The following SH3GLB1 variants were observed in gnomAD, a reference collection of about 807,000 sequenced individuals.
SH3GLB1 encodes the protein SH3 domain containing GRB2 like, endophilin B1, also known as endophilin-B1.
A neutral mutation model predicts 42.0 loss-of-function variants in SH3GLB1; 17 were observed. The ratio of observed to expected loss-of-function variants is 0.40; its 90% CI spans 0.28 to 0.61. The LOEUF (loss-of-function observed/expected upper bound fraction) is 0.61. Among genes scored for constraint, SH3GLB1 ranks in the 20% least tolerant of loss-of-function variants. SH3GLB1 has a pLI of 0.36. For synonymous variants in SH3GLB1, 132 were observed against 146.6 expected (o/e 0.90, Z 0.72); for missense variants, 355 against 426.3 (o/e 0.83, Z 1.47).
intron 1 of SH3GLB1, among the ~76,000 whole-genome samples, chr1:86,713,362 G>A (rs904995281): frequency 3.9e-5 from 6 of 151,926 alleles, no homozygotes; most frequent in Non-Finnish European, 7.4e-5. Context: ...CATTACAGGC[G>A]GGGGCCCCTG....
intron 2 of SH3GLB1, among the ~76,000 whole-genome samples, chr1:86,718,971 A>G (rs1157192658): frequency 6.6e-6 from 1 of 152,236 alleles, no homozygotes; most frequent in Admixed American, 6.5e-5. Context: ...TCTGTAGACT[A>G]TTCCAAGCCT....
At chr1:86,728,225 A>T (rs1055718467) in intron 5 of SH3GLB1, among the ~76,000 whole-genome samples, 4 of 152,074 alleles carry the variant, frequency 2.6e-5, no homozygotes, top group Non-Finnish European at 5.9e-5. Flanking sequence ...GAAAAAAATG[A>T]ATAGGCACCA....
intron 3 of SH3GLB1, among the ~76,000 whole-genome samples, chr1:86,719,925 C>T (rs144973118): frequency 2.7e-4 from 39 of 142,582 alleles, no homozygotes; most frequent in African/African-American, 9.1e-4. Context: ...GAACCTTGGA[C>T]GTGGAGCTTG....
At chr1:86,715,241 C>T (rs1654440451) in intron 1 of SH3GLB1, among the ~76,000 whole-genome samples, 1 of 152,144 alleles carries the variant, frequency 6.6e-6, no homozygotes, top group Admixed American at 6.5e-5. Context: ...CATACTTAAT[C>T]CCCCAAACAC....
intron 5 of SH3GLB1, chr1:86,730,286 A>G: frequency 1.0e-6 from 1 of 985,408 alleles, no homozygotes; most frequent in Non-Finnish European, 1.2e-6. Flanking sequence ...AGCTCCACCA[A>G]GCAGTTGAAC....
At chr1:86,705,286 C>T (rs1445384227) in intron 1 of SH3GLB1, among the ~76,000 whole-genome samples, 1 of 152,136 alleles carries the variant, frequency 6.6e-6, no homozygotes, top group African/African-American at 2.4e-5. Context: ...CTCCTGTGGC[C>T]TCCACCCCGG....
At chr1:86,740,851 A>G (rs539402136) in intron 7 of SH3GLB1, among the ~76,000 whole-genome samples, 1 of 152,294 alleles carries the variant, frequency 6.6e-6, no homozygotes, top group South Asian at 2.1e-4. Context: ...AAAATCTTCT[A>G]GAAATGAAAG....
In SH3GLB1 at chr1:86,715,879, C is replaced by T; in HGVS notation, c.214+14C>T. On this transcript the variant is annotated intron_variant, in intron 2 of 8. Transcript: ENST00000370558. ...AGCCAAATCCAAGTAAGAAACTCTA[C>T]CTCTTGTGTACCTTAAGTACTATTA... 6.2e-7 allele frequency: 1 copy of T among 1,603,990 alleles called. No individual in the cohort carries two copies. Among genetic ancestry groups the T allele is most frequent in the Non-Finnish European group, 8.5e-7 (1 of 1,177,742 alleles).
rs1400793719 is a variant in SH3GLB1, at chr1:86,747,404, GA to G, written c.*4171del. The stretch of plus-strand genomic sequence containing the variant: ...TAATACTGTTGCACTCTAAGCTTGA[GA>G]ACCACTGCAATAGAACTAAGAGAAC... On this transcript the variant is annotated 3_prime_UTR_variant, in exon 9 of 9. Coordinates refer to ENST00000370558, the MANE Select transcript of SH3GLB1 (RefSeq NM_016009.5). The G allele has an allele frequency of 6.6e-6, 1 of 152,328 alleles. No individual in the cohort carries two copies. Among genetic ancestry groups the G allele is most frequent in the Non-Finnish European group, 1.5e-5 (1 of 68,046 alleles). 9.4% of individuals were successfully genotyped at this position (152,328 alleles called of 1,614,324 possible). A position where few individuals can be genotyped will look rare whatever the true frequency, so the allele number is the denominator to read the frequency against.
rs144784691 is a variant in SH3GLB1, at chr1:86,707,806, G to A, written c.72+2835G>A. Among the ~76,000 whole-genome samples, 7 of 151,956 alleles carry A rather than the reference G, an allele frequency of 4.6e-5. No individual in the cohort carries two copies. The East Asian group carries it at 1.2e-3, about 25-fold the overall frequency. On this transcript the variant is annotated intron_variant, in intron 1 of 8. Transcript: ENST00000370558. Reference sequence around the variant, plus strand: ...TGGAATTACAGGCAGGCTCCACCACGCCCAGCTAATTTTGCATTTTTAGTA... The same window carrying A: ...TGGAATTACAGGCAGGCTCCACCACACCCAGCTAATTTTGCATTTTTAGTA...
Position 86,724,365 on chromosome 1 carries a change from C to T in SH3GLB1, c.530C>T (p.Thr177Met), listed in dbSNP as rs759734266. Residue 177 changes from threonine (T) to methionine (M), a missense_variant, in exon 5 of 9, where the codon ACG (threonine) becomes ATG (methionine). Physicochemically the swap from Thr to Met is moderately conservative, Grantham distance 81 (BLOSUM62 -1). Coordinates refer to ENST00000370558, the MANE Select transcript of SH3GLB1 (RefSeq NM_016009.5). ...AGACTGGATTTGGATGCTGCAAAAA[C>T]GAGACTAAAAAAGGCAAAAGCTGCA... ...NKRLDLDAAK[T>M]RLKKAKAAET... The T allele has an allele frequency of 5.2e-5, 84 of 1,602,966 alleles. No homozygotes were observed. The highest frequency in any genetic ancestry group is 6.2e-5 in the Non-Finnish European group (73 of 1,176,716).
chr1:86,747,665 C>G lies in SH3GLB1; in HGVS notation c.*4430C>G, dbSNP rs1406899312. Reference sequence around the variant, plus strand: ...TTGCTTAGTCTAAAGTAAGCACTACCACCATCCACGTTTTCACTCAACACA... The same window carrying G: ...TTGCTTAGTCTAAAGTAAGCACTACGACCATCCACGTTTTCACTCAACACA... On this transcript the variant is annotated 3_prime_UTR_variant, in exon 9 of 9. Transcript: ENST00000370558. 1 of 152,186 alleles carries G rather than the reference C, an allele frequency of 6.6e-6. No individual in the cohort carries two copies. The highest frequency in any genetic ancestry group is 2.4e-5 in the African/African-American group (1 of 41,434). The allele number at this position is 152,186 out of a possible 1,614,324, so 9.4% of individuals were successfully genotyped here.
At chr1:86,733,503 A>G (rs1373198963) in intron 5 of SH3GLB1, among the ~76,000 whole-genome samples, 1 of 152,126 alleles carries the variant, frequency 6.6e-6, no homozygotes, top group Non-Finnish European at 1.5e-5. Context: ...GGAAAATGCT[A>G]TTTGTGCTGG....
intron 2 of SH3GLB1, among the ~76,000 whole-genome samples, chr1:86,717,814 T>C (rs1252738053): frequency 1.3e-5 from 2 of 152,222 alleles, no homozygotes; most frequent in African/African-American, 4.8e-5. Flanking sequence ...TGTATGATCT[T>C]CTGGAAATGG....
At chr1:86,732,059 C>T (rs895954480) in intron 5 of SH3GLB1, among the ~76,000 whole-genome samples, 2 of 152,126 alleles carry the variant, frequency 1.3e-5, no homozygotes, top group Non-Finnish European at 2.9e-5. Context: ...AGCAAAACTC[C>T]ATCTCAAAAA....
rs368152620 is a variant in SH3GLB1 at position 86,722,690 on chromosome 1, C to T, written c.477+17C>T. 1.3e-6 allele frequency: 2 copies of T among 1,577,318 alleles called. No homozygotes were observed. Among genetic ancestry groups the T allele is most frequent in the East Asian group, 4.5e-5 (2 of 44,298 alleles). On this transcript the variant is annotated intron_variant, in intron 4 of 8. Transcript: ENST00000370558. Reference sequence around the variant, plus strand: ...ACAATTGCTGTGAGTTGAAAAATGTCCCCTTTATTTAGTAAAATCATTTAG... The same window carrying T: ...ACAATTGCTGTGAGTTGAAAAATGTTCCCTTTATTTAGTAAAATCATTTAG...
chr1:86,728,853 C>T lies in SH3GLB1; in HGVS notation c.570+4448C>T, dbSNP rs575433344. On this transcript the variant is annotated intron_variant, in intron 5 of 8. Transcript: ENST00000370558. Reference sequence around the variant, plus strand: ...GTGTAAGGTAAACACATTGCCTTTGCTGCTCAGTAGCTTCAAGATTTACCT... The same window carrying T: ...GTGTAAGGTAAACACATTGCCTTTGTTGCTCAGTAGCTTCAAGATTTACCT... 6.6e-5 allele frequency among the ~76,000 whole-genome samples: 10 copies of T among 152,210 alleles called. No individual in the cohort carries two copies. In the South Asian group the frequency reaches 2.1e-3, roughly 32 times the overall value.
chr1:86,727,237 CT>C (rs2101959525), intron 5 of SH3GLB1, among the ~76,000 whole-genome samples: 1 of 151,970 alleles, frequency 6.6e-6, no homozygotes, highest in East Asian at 1.9e-4. Context: ...TCTAATATTG[CT>C]GTTTTATCAG....
chr1:86,712,413 A>G (rs1180063771), intron 1 of SH3GLB1, among the ~76,000 whole-genome samples: 1 of 152,200 alleles, frequency 6.6e-6, no homozygotes, highest in Non-Finnish European at 1.5e-5. Flanking sequence ...ATAGCATGAT[A>G]AGACTATGAC....
Sources: allele counts gnomAD v4.1 joint callset (sites outside exome capture counted in the v4.1 genomes callset), GRCh38; gene constraint gnomAD v4.1.1; transcripts MANE v1.5; gene names NCBI Gene and HGNC (gene_info 2026-07-23, HGNC 2026-07-21).